Variants in C1orf87 observed in about 807,000 individuals in gnomAD.
The protein encoded by C1orf87 is chromosome 1 open reading frame 87.
C1orf87 carries 58 observed loss-of-function variants against 60.5 expected under a neutral mutation model. The ratio of observed to expected loss-of-function variants is 0.96; its 90% confidence interval spans 0.78 to 1.19. The LOEUF (loss-of-function observed/expected upper bound fraction) is 1.19. Among genes scored for constraint, C1orf87 ranks in the 50% most tolerant of loss-of-function variants. The pLI, the probability that C1orf87 is intolerant of heterozygous loss-of-function variation, is 0.00. For missense variants in C1orf87, 673 were observed against 638.6 expected (o/e 1.05, Z -0.58); for synonymous variants, 236 against 227.4 (o/e 1.04, Z -0.34).
At chr1:60,031,945 C>T (rs903496130) in intron 7 of C1orf87, among the ~76,000 whole-genome samples, 1 of 151,858 alleles carries the variant, frequency 6.6e-6, no homozygotes, top group East Asian at 1.9e-4. Flanking sequence ...CTCTATTTCT[C>T]TTTCTCATGA....
chr1:60,019,621 A>T (rs950723873), intron 8 of C1orf87, among the ~76,000 whole-genome samples: 3 of 152,186 alleles, frequency 2.0e-5, no homozygotes, highest in Non-Finnish European at 4.4e-5. Flanking sequence ...AGACTTGTTG[A>T]GTGGTTTTAA....
intron 9 of C1orf87, among the ~76,000 whole-genome samples, chr1:60,008,488 G>A (rs2100253408): frequency 6.6e-6 from 1 of 152,104 alleles, no homozygotes; most frequent in East Asian, 1.9e-4. Context: ...TTTGGAGGTA[G>A]GGCCTTTAAA....
At chr1:59,994,678 C>T (rs1644951020) in intron 11 of C1orf87, among the ~76,000 whole-genome samples, 1 of 152,018 alleles carries the variant, frequency 6.6e-6, no homozygotes, top group African/African-American at 2.4e-5. Flanking sequence ...ATTCCTTATC[C>T]CTTCTCCTCA....
intron 6 of C1orf87, among the ~76,000 whole-genome samples, chr1:60,036,907 T>C (rs1195252379): frequency 6.6e-6 from 1 of 152,238 alleles, no homozygotes; most frequent in Non-Finnish European, 1.5e-5. Flanking sequence ...GCTGACTGAC[T>C]GAACATCTTT....
intron 3 of C1orf87, among the ~76,000 whole-genome samples, chr1:60,049,085 T>A (rs1028442408): frequency 3.3e-5 from 5 of 152,054 alleles, no homozygotes; most frequent in Non-Finnish European, 7.4e-5. Context: ...TTCAAGTACA[T>A]CTTTGGGATA....
intron 9 of C1orf87, among the ~76,000 whole-genome samples, chr1:60,002,276 G>T (rs1034013600): frequency 6.6e-6 from 1 of 152,048 alleles, no homozygotes. Context: ...CTTGCTAGCT[G>T]CATGACCTTG....
At chr1:60,056,629 G>C (rs1352407966) in intron 2 of C1orf87, among the ~76,000 whole-genome samples, 1 of 152,148 alleles carries the variant, frequency 6.6e-6, no homozygotes, top group African/African-American at 2.4e-5. Context: ...ATTCCATGTA[G>C]CAAACAATGT....
intron 3 of C1orf87, among the ~76,000 whole-genome samples, chr1:60,054,196 G>A (rs1645436126): frequency 6.6e-6 from 1 of 152,164 alleles, no homozygotes; most frequent in African/African-American, 2.4e-5. Context: ...AGACTAAGAG[G>A]CTTGAGTGAC....
rs975412629 is a variant in C1orf87, at chr1:60,073,403, TG to T, written c.-28+286del. 4.6e-5 allele frequency among the ~76,000 whole-genome samples: 7 copies of T among 152,238 alleles called. No individual in the cohort carries two copies. The South Asian group carries it at 1.5e-3, about 32-fold the overall frequency. On this transcript the variant is annotated intron_variant, in intron 1 of 11. Transcript: ENST00000371201. Reference sequence around the variant, plus strand: ...CTACTCCAAAGGCTCCTTCACAGATTGGAAAACTAAGGCCCAGAGAGGGTGT... The same window carrying T: ...CTACTCCAAAGGCTCCTTCACAGATTGAAAACTAAGGCCCAGAGAGGGTGT...
At chr1:60,071,877 T>C (rs1471319412) in intron 2 of C1orf87, among the ~76,000 whole-genome samples, 1 of 152,208 alleles carries the variant, frequency 6.6e-6, no homozygotes. Flanking sequence ...GACTAGCTAT[T>C]ACTTATGGAA....
rs563385644 is a variant in C1orf87 at position 60,003,215 on chromosome 1, A to G, written c.1193-2059T>C. 9.2e-4 allele frequency among the ~76,000 whole-genome samples: 135 copies of G among 147,532 alleles called. No homozygotes were observed. In the Middle Eastern group the frequency reaches 0.014, roughly 15 times the overall value. ...AAATCATCATTCTCAGTAAACTATC[A>G]CAAGAACAAAAAACCAAACACCGCA... On this transcript the variant is annotated intron_variant, in intron 9 of 11. Transcript: ENST00000371201.
intron 2 of C1orf87, among the ~76,000 whole-genome samples, chr1:60,068,934 G>T (rs1007480401): frequency 1.1e-4 from 17 of 152,084 alleles, no homozygotes; most frequent in Non-Finnish European, 1.3e-4. Flanking sequence ...CTTTAGATTT[G>T]GATTTATTTA....
chr1:60,005,428 TGCTATAAACACA>T (rs1391818775), intron 9 of C1orf87, among the ~76,000 whole-genome samples: 1 of 148,192 alleles, frequency 6.7e-6, no homozygotes, highest in African/African-American at 2.5e-5. Flanking sequence ...TAGTGATAAG[TGCTATAAACACA>T]GCTAAAACCA....
intron 3 of C1orf87, among the ~76,000 whole-genome samples, chr1:60,042,245 T>G (rs1645330749): frequency 6.6e-6 from 1 of 152,162 alleles, no homozygotes; most frequent in Admixed American, 6.5e-5. Context: ...TTTATTTATT[T>G]ATTTTTGAGA....
At chr1:60,051,220 T>C (rs1241373895) in intron 3 of C1orf87, among the ~76,000 whole-genome samples, 1 of 152,184 alleles carries the variant, frequency 6.6e-6, no homozygotes, top group African/African-American at 2.4e-5. Context: ...TTAAATTTTA[T>C]ACCAGGGAAT....
intron 2 of C1orf87, among the ~76,000 whole-genome samples, chr1:60,065,930 TA>T (rs1299457080): frequency 7.2e-5 from 11 of 152,304 alleles, no homozygotes; most frequent in African/African-American, 9.6e-5. Flanking sequence ...GTGATTCACA[TA>T]TTTTTTTTGG....
intron 2 of C1orf87, among the ~76,000 whole-genome samples, chr1:60,069,265 G>A (rs889228009): frequency 1.3e-5 from 2 of 152,188 alleles, no homozygotes; most frequent in Admixed American, 6.5e-5. Context: ...ACTGGAATGT[G>A]TGGAGGAGTC....
At chr1:59,996,730 C>G (rs552096935) in intron 11 of C1orf87, among the ~76,000 whole-genome samples, 1 of 152,206 alleles carries the variant, frequency 6.6e-6, no homozygotes, top group South Asian at 2.1e-4. Flanking sequence ...ATGATGACCC[C>G]ACCAGGAAGA....
intron 7 of C1orf87, among the ~76,000 whole-genome samples, chr1:60,032,244 T>C (rs1178711483): frequency 1.3e-5 from 2 of 152,118 alleles, no homozygotes; most frequent in Non-Finnish European, 2.9e-5. Flanking sequence ...TAATTTCCAA[T>C]TCTTTCTAAT....
Sources: allele counts gnomAD v4.1 joint callset (sites outside exome capture counted in the v4.1 genomes callset), GRCh38; gene constraint gnomAD v4.1.1; transcripts MANE v1.5; gene names NCBI Gene and HGNC (gene_info 2026-07-23, HGNC 2026-07-21).